Variants in TAFA4 observed in about 807,000 individuals in gnomAD.
TAFA4 encodes TAFA chemokine like family member 4, also known as chemokine-like protein TAFA-4.
TAFA4 carries 20 observed loss-of-function variants against 21.1 expected under a neutral mutation model. The observed-to-expected ratio is 0.95, with a 90% CI of 0.67 to 1.38. The LOEUF (loss-of-function observed/expected upper bound fraction) is 1.38, where lower values mean the gene tolerates loss of function less well. Among genes scored for constraint, TAFA4 ranks in the 40% most tolerant of loss-of-function variants. The pLI, the probability that TAFA4 is intolerant of heterozygous loss-of-function variation, is 0.00. For synonymous variants in TAFA4, 71 were observed against 67.4 expected (o/e 1.05, Z -0.26); for missense variants, 211 against 180.9 (o/e 1.17, Z -0.95).
chr3:68,809,736 G>A (rs1042170871), intron 3 of TAFA4, among the ~76,000 whole-genome samples: 1 of 152,060 alleles, frequency 6.6e-6, no homozygotes, highest in South Asian at 2.1e-4. Context: ...TTTGTACATG[G>A]TGTGAGACGA....
At chr3:68,870,655 G>A (rs1326723715) in intron 3 of TAFA4, among the ~76,000 whole-genome samples, 1 of 152,042 alleles carries the variant, frequency 6.6e-6, no homozygotes, top group East Asian at 1.9e-4. Context: ...GTGCCATGGT[G>A]GTTTGCTGCA....
At chr3:68,891,848 G>T (rs2089733798) in intron 1 of TAFA4, among the ~76,000 whole-genome samples, 1 of 152,164 alleles carries the variant, frequency 6.6e-6, no homozygotes. Flanking sequence ...CAGAAATGAG[G>T]TAATATGTTT....
chr3:68,739,504 A>T (rs186356888), intron 4 of TAFA4, among the ~76,000 whole-genome samples: 108 of 152,342 alleles, frequency 7.1e-4, no homozygotes, highest in African/African-American at 2.4e-3. Context: ...AAGAACTAAA[A>T]ATCAACCACT....
intron 3 of TAFA4, among the ~76,000 whole-genome samples, chr3:68,804,380 T>C (rs1703642010): frequency 6.6e-6 from 1 of 152,114 alleles, no homozygotes; most frequent in Non-Finnish European, 1.5e-5. Flanking sequence ...CTGCCCAAGG[T>C]AATTTATAGA....
chr3:68,816,116 G>A (rs1021022463), intron 3 of TAFA4, among the ~76,000 whole-genome samples: 8 of 152,012 alleles, frequency 5.3e-5, no homozygotes, highest in Non-Finnish European at 1.0e-4. Flanking sequence ...CTTGAACAAT[G>A]AGAACACATG....
chr3:68,748,906 T>G (rs1354037152), intron 4 of TAFA4, among the ~76,000 whole-genome samples: 3 of 152,242 alleles, frequency 2.0e-5, no homozygotes, highest in Non-Finnish European at 4.4e-5. Flanking sequence ...ACTACACATT[T>G]GTCTCATTTT....
intron 4 of TAFA4, among the ~76,000 whole-genome samples, chr3:68,745,440 C>A (rs1465228274): frequency 6.6e-6 from 1 of 152,130 alleles, no homozygotes; most frequent in East Asian, 1.9e-4. Context: ...GTTTAAAAGC[C>A]CCATGCTTCC....
chr3:68,886,265 TC>T (rs1163809754), intron 1 of TAFA4, among the ~76,000 whole-genome samples: 8 of 152,142 alleles, frequency 5.3e-5, no homozygotes, highest in Non-Finnish European at 7.4e-5. Flanking sequence ...ATTTGAAGAC[TC>T]ACCACTTTGG....
chr3:68,790,748 A>C (rs1703346207), intron 3 of TAFA4, among the ~76,000 whole-genome samples: 1 of 152,186 alleles, frequency 6.6e-6, no homozygotes, highest in Non-Finnish European at 1.5e-5. Flanking sequence ...ACTGGGGAGA[A>C]CACAGGAGCA....
intron 3 of TAFA4, among the ~76,000 whole-genome samples, chr3:68,816,358 T>A (rs1050179892): frequency 6.6e-6 from 1 of 152,182 alleles, no homozygotes; most frequent in African/African-American, 2.4e-5. Flanking sequence ...GCATGGGATA[T>A]CTTTCCATTT....
chr3:68,747,874 C>T (rs1702488313), intron 4 of TAFA4, among the ~76,000 whole-genome samples: 3 of 152,152 alleles, frequency 2.0e-5, no homozygotes, highest in Admixed American at 6.5e-5. Flanking sequence ...ATTCTAAGGC[C>T]TCTCACATCA....
At chr3:68,886,077 G>A (rs2089669989) in intron 1 of TAFA4, among the ~76,000 whole-genome samples, 1 of 152,130 alleles carries the variant, frequency 6.6e-6, no homozygotes, top group African/African-American at 2.4e-5. Context: ...TATGATATGT[G>A]TTAATAAATA....
chr3:68,835,576 C>T (rs1482061609), intron 3 of TAFA4, among the ~76,000 whole-genome samples: 4 of 152,148 alleles, frequency 2.6e-5, no homozygotes, highest in African/African-American at 7.2e-5. Flanking sequence ...GTAAACTAGT[C>T]GGGTTAGTTG....
rs894557276 is a variant in TAFA4 at position 68,914,876 on chromosome 3, G to A, written c.-123+17364C>T. Among the ~76,000 whole-genome samples the A allele has an allele frequency of 3.3e-5, 5 of 152,086 alleles. No homozygotes were observed. In the East Asian group the frequency reaches 9.6e-4, roughly 29 times the overall value. On this transcript the variant is annotated intron_variant, in intron 1 of 5. Transcript: ENST00000295569. ...AAATGGTTGGGGGAAAAAAAGAATAGTATTTATTGATACATGAAAGTTAAA... is the reference window on the plus strand; with the variant it reads ...AAATGGTTGGGGGAAAAAAAGAATAATATTTATTGATACATGAAAGTTAAA...
intron 3 of TAFA4, among the ~76,000 whole-genome samples, chr3:68,833,016 C>T (rs1447631946): frequency 6.6e-6 from 1 of 152,240 alleles, no homozygotes; most frequent in African/African-American, 2.4e-5. Context: ...CCAAGCCAGG[C>T]ACAGGAGGGA....
At chr3:68,754,561 C>G (rs1296576382) in intron 3 of TAFA4, among the ~76,000 whole-genome samples, 1 of 152,110 alleles carries the variant, frequency 6.6e-6, no homozygotes, top group African/African-American at 2.4e-5. Flanking sequence ...TCCTTTCATC[C>G]CATTATCAGT....
intron 3 of TAFA4, among the ~76,000 whole-genome samples, chr3:68,755,796 GC>G (rs1446545530): frequency 5.3e-5 from 8 of 152,164 alleles, no homozygotes; most frequent in Admixed American, 5.2e-4. Flanking sequence ...CCTTGTGCAG[GC>G]CCCTCCCACA....
At chr3:68,826,871 A>G (rs1327362963) in intron 3 of TAFA4, among the ~76,000 whole-genome samples, 3 of 152,014 alleles carry the variant, frequency 2.0e-5, no homozygotes, top group Non-Finnish European at 4.4e-5. Flanking sequence ...GGTCTTGTAT[A>G]ATTTCAAAAA....
At chr3:68,862,906 C>T (rs141460486) in intron 3 of TAFA4, among the ~76,000 whole-genome samples, 1 of 151,646 alleles carries the variant, frequency 6.6e-6, no homozygotes, top group Non-Finnish European at 1.5e-5. Context: ...GGTTCCCCAG[C>T]TAAAATGAGT....
Sources: allele counts gnomAD v4.1 joint callset (sites outside exome capture counted in the v4.1 genomes callset), GRCh38; gene constraint gnomAD v4.1.1; transcripts MANE v1.5; gene names NCBI Gene and HGNC (gene_info 2026-07-23, HGNC 2026-07-21).